The following CDH9 variants were observed in gnomAD, a reference collection of about 807,000 sequenced individuals.
CDH9 encodes the protein cadherin 9.
A neutral mutation model predicts 70.9 loss-of-function variants in CDH9; 28 were observed. The ratio of observed to expected loss-of-function variants is 0.40; its 90% confidence interval spans 0.29 to 0.54. CDH9 has a LOEUF of 0.54. Among genes scored for constraint, CDH9 ranks in the 20% least tolerant of loss-of-function variants. The probability of loss-of-function intolerance (pLI) is 0.59; values close to 1 mark genes in which losing one functional copy is unlikely to be tolerated. For missense variants in CDH9, 874 were observed against 984.4 expected (o/e 0.89, Z 1.50); for synonymous variants, 409 against 343.1 (o/e 1.19, Z -2.12).
At chr5:27,005,925 C>A (rs1742857703) in intron 1 of CDH9, among the ~76,000 whole-genome samples, 1 of 151,976 alleles carries the variant, frequency 6.6e-6, no homozygotes, top group African/African-American at 2.4e-5. Context: ...GAATAGAAAA[C>A]CAAATATCAC....
rs1256749918 is a variant in CDH9 at position 26,885,873 on chromosome 5, A to T, written c.1631-8T>A. On this transcript the variant is annotated splice_region_variant and splice_polypyrimidine_tract_variant and intron_variant, in intron 10 of 11. Transcript: ENST00000231021. ...TGATTCCTGCTGTATTATCTGGGGGAGAAAACATGTAAAAAAACAAAAACT... is the reference window on the plus strand; with the variant it reads ...TGATTCCTGCTGTATTATCTGGGGGTGAAAACATGTAAAAAAACAAAAACT... 1 of 1,610,090 alleles carries T rather than the reference A, an allele frequency of 6.2e-7. No homozygotes were observed.
At chr5:26,883,239 A>C (rs955989124) in intron 11 of CDH9, among the ~76,000 whole-genome samples, 1 of 151,046 alleles carries the variant, frequency 6.6e-6, no homozygotes, top group African/African-American at 2.4e-5. Context: ...ATATTAAATA[A>C]ATTTATAAGT....
At chr5:26,888,074 T>A (rs1394730412) in intron 9 of CDH9, among the ~76,000 whole-genome samples, 1 of 152,010 alleles carries the variant, frequency 6.6e-6, no homozygotes, top group Non-Finnish European at 1.5e-5. Context: ...TAAATTATTT[T>A]TAAGTCCACA....
intron 2 of CDH9, among the ~76,000 whole-genome samples, chr5:26,917,193 T>C (rs952966515): frequency 6.6e-6 from 1 of 152,012 alleles, no homozygotes; most frequent in Admixed American, 6.6e-5. Flanking sequence ...TATGCTTACA[T>C]TATAAAATTA....
At chr5:26,925,424 A>T (rs947445947) in intron 2 of CDH9, among the ~76,000 whole-genome samples, 4 of 152,108 alleles carry the variant, frequency 2.6e-5, no homozygotes, top group East Asian at 3.9e-4. Context: ...AGTTTGTTTA[A>T]GTTCTTTGTA....
At chr5:26,986,370 G>C (rs1561029651) in intron 2 of CDH9, among the ~76,000 whole-genome samples, 2 of 152,020 alleles carry the variant, frequency 1.3e-5, no homozygotes, top group African/African-American at 2.4e-5. Context: ...TTAAAGCTAT[G>C]CATGTACATT....
intron 2 of CDH9, among the ~76,000 whole-genome samples, chr5:26,921,196 C>A (rs1052115411): frequency 6.6e-6 from 1 of 151,896 alleles, no homozygotes; most frequent in African/African-American, 2.4e-5. Flanking sequence ...AATATGCATA[C>A]CAGATATGAG....
At position 26,885,674 on chromosome 5, in the gene CDH9, A is replaced by T; in HGVS notation, c.1822T>A (p.Ser608Thr). 6.2e-7 allele frequency: 1 copy of T among 1,613,838 alleles called. No individual in the cohort carries two copies. Among genetic ancestry groups the T allele is most frequent in the South Asian group, 1.1e-5 (1 of 91,080 alleles). The part of the protein sequence containing the change: ...QSCTAEALIL[S>T]AGLSTGALVA... ...AGAGCTCCCGTGCTCAGGCCGGCTG[A>T]AAGGATCAGGGCTTCTGCGGTGCAG... Residue 608 changes from serine (S) to threonine (T), a missense_variant, in exon 11 of 12, where the codon TCA becomes ACA. Physicochemically the swap from Ser to Thr is moderately conservative, Grantham distance 58. Coordinates refer to ENST00000231021, the MANE Select transcript of CDH9 (RefSeq NM_016279.4).
At chr5:27,001,844 A>ACACTCT (rs1312157550) in intron 1 of CDH9, among the ~76,000 whole-genome samples, 3 of 142,060 alleles carry the variant, frequency 2.1e-5, no homozygotes, top group African/African-American at 8.2e-5. Context: ...ACACACACAC[A>ACACTCT]CTCTCTCTCT....
At chr5:26,963,389 T>A (rs1480133920) in intron 2 of CDH9, among the ~76,000 whole-genome samples, 2 of 152,294 alleles carry the variant, frequency 1.3e-5, no homozygotes, top group East Asian at 3.9e-4. Flanking sequence ...TCAAAATGTA[T>A]ATAGAAAATA....
chr5:27,001,842 A>ACTCTCTCTCTCTCTCTCTCTCT (rs1430161167), intron 1 of CDH9, among the ~76,000 whole-genome samples: 3 of 125,866 alleles, frequency 2.4e-5, no homozygotes, highest in African/African-American at 9.3e-5. Flanking sequence ...ACACACACAC[A>ACTCTCTCTCTCTCTCTCTCTCT]CACTCTCTCT....
chr5:26,897,986 A>G (rs1740782813), intron 7 of CDH9, among the ~76,000 whole-genome samples: 1 of 152,184 alleles, frequency 6.6e-6, no homozygotes, highest in African/African-American at 2.4e-5. Flanking sequence ...CTCAGGATAT[A>G]AAATCAATGT....
chr5:26,918,161 A>G (rs1302961275), intron 2 of CDH9, among the ~76,000 whole-genome samples: 2 of 151,888 alleles, frequency 1.3e-5, no homozygotes, highest in Non-Finnish European at 2.9e-5. Flanking sequence ...TTTTGCCTTT[A>G]TGTCTCAGAA....
intron 3 of CDH9, 85 bp from the exon 4 acceptor site, chr5:26,906,923 G>T: frequency 6.9e-7 from 1 of 1,443,484 alleles, no homozygotes. Flanking sequence ...GTTGCTCTCA[G>T]TGTTTTGTAT....
In CDH9 at chr5:26,881,039, T is replaced by C; in HGVS notation, c.*97A>G. The C allele has an allele frequency of 3.3e-6, 4 of 1,204,324 alleles. No homozygotes were observed. Among genetic ancestry groups the C allele is most frequent in the Non-Finnish European group, 4.6e-6 (4 of 861,116 alleles). 74.6% of individuals were successfully genotyped at this position (1,204,324 alleles called of 1,614,324 possible). A position where few individuals can be genotyped will look rare whatever the true frequency, so the allele number is the denominator to read the frequency against. ...ATCTACGTATTGTTTGTAACTTCAA[T>C]TTTTGAAAGATTTCCTCCCAGGAAG... On this transcript the variant is annotated 3_prime_UTR_variant, in exon 12 of 12. Coordinates refer to ENST00000231021, the MANE Select transcript of CDH9 (RefSeq NM_016279.4).
chr5:26,935,729 T>C (rs895293720), intron 2 of CDH9, among the ~76,000 whole-genome samples: 12 of 152,272 alleles, frequency 7.9e-5, no homozygotes, highest in African/African-American at 2.9e-4. Context: ...AGAACTACCA[T>C]TGGATCCAGC....
At chr5:27,027,177 G>GTGT (rs1006255852) in intron 1 of CDH9, among the ~76,000 whole-genome samples, 2 of 151,990 alleles carry the variant, frequency 1.3e-5, no homozygotes, top group African/African-American at 4.8e-5. Context: ...AAAGTGTAGA[G>GTGT]TGTTCTATCT....
At chr5:26,951,970 T>TTTTATTTTAA (rs1220745153) in intron 2 of CDH9, among the ~76,000 whole-genome samples, 23 of 146,540 alleles carry the variant, frequency 1.6e-4, no homozygotes, top group Admixed American at 2.8e-4. Flanking sequence ...TTTTATTTTA[T>TTTTATTTTAA]TTTATTTTAT....
intron 1 of CDH9, among the ~76,000 whole-genome samples, chr5:27,003,081 A>T (rs1457935564): frequency 1.3e-5 from 2 of 152,124 alleles, no homozygotes; most frequent in African/African-American, 2.4e-5. Flanking sequence ...GGATTTTGAA[A>T]TATTTACGTT....
Sources: gnomAD v4.1 joint callset for allele counts (sites outside exome capture counted in the v4.1 genomes callset) on GRCh38, gnomAD v4.1.1 for gene constraint, MANE v1.5 for transcripts, NCBI Gene and HGNC (gene_info 2026-07-23, HGNC 2026-07-21) for gene names.